The following TSHZ2 variants were observed in gnomAD, a reference collection of about 807,000 sequenced individuals.
The protein encoded by TSHZ2 is teashirt homolog 2.
In TSHZ2, 21 loss-of-function variants were observed where a neutral mutation model predicts 74.4. The observed-to-expected ratio is 0.28, with a 90% CI of 0.20 to 0.41. The LOEUF is 0.41. TSHZ2 is among the 10% of genes least tolerant of loss of function. The probability of loss-of-function intolerance (pLI) is 1.00; values close to 1 mark genes in which losing one functional copy is unlikely to be tolerated. For synonymous variants in TSHZ2, 540 were observed against 515.3 expected (o/e 1.05, Z -0.65); for missense variants, 1,244 against 1,293.5 (o/e 0.96, Z 0.59).
At position 53,256,026 on chromosome 20, in the gene TSHZ2, A is replaced by G. The variant is rs780726706; in HGVS notation, c.2568A>G (p.Leu856=). The change falls in exon 2 of 3, where the codon CTA becomes CTG. Residue 856 remains leucine, a synonymous_variant. Transcript: ENST00000371497. This position sits in a 1 kb window ranked among gnomAD's most constrained non-coding sequence, Gnocchi z 4.3. Reference sequence around the variant, plus strand: ...GGAATCCTCAGCATCTTCTGATTCTACAAGCCCAGTTTGCCTCGAGCCTCT... The same window carrying G: ...GGAATCCTCAGCATCTTCTGATTCTGCAAGCCCAGTTTGCCTCGAGCCTCT... ...SNWNPQHLLI[L]QAQFASSLFQ... 1 of 1,613,346 alleles carries G rather than the reference A, an allele frequency of 6.2e-7. No individual in the cohort carries two copies. The highest frequency in any genetic ancestry group is 8.5e-7 in the Non-Finnish European group (1 of 1,179,426).
chr20:53,154,674 A>T (rs937888104), intron 1 of TSHZ2, among the ~76,000 whole-genome samples: 4 of 152,182 alleles, frequency 2.6e-5, no homozygotes, highest in African/African-American at 9.7e-5. Context: ...TAACTATGAG[A>T]GCTGGGCTTG....
intron 2 of TSHZ2, among the ~76,000 whole-genome samples, chr20:53,294,563 A>G (rs750909517): frequency 3.9e-5 from 6 of 152,092 alleles, no homozygotes; most frequent in Admixed American, 3.3e-4. Context: ...AAAATTATAC[A>G]ACTGAGTCAT....
chr20:53,186,655 C>G (rs1431182423), intron 1 of TSHZ2, among the ~76,000 whole-genome samples: 3 of 152,154 alleles, frequency 2.0e-5, no homozygotes, highest in Non-Finnish European at 4.4e-5. Context: ...TTTTCACCTG[C>G]CTGCAGGCAT....
chr20:53,418,093 G>C (rs1367329475), intron 2 of TSHZ2, among the ~76,000 whole-genome samples: 2 of 152,216 alleles, frequency 1.3e-5, no homozygotes, highest in African/African-American at 4.8e-5. Flanking sequence ...AGCTAGGATG[G>C]TAAGGAAAGG....
At chr20:53,446,289 C>T (rs764870685) in intron 2 of TSHZ2, among the ~76,000 whole-genome samples, 32 of 151,796 alleles carry the variant, frequency 2.1e-4, no homozygotes, top group Non-Finnish European at 4.0e-4. Context: ...TTTGGCCAGG[C>T]GCGGTGACTT....
chr20:53,473,877 C>T (rs930440806), intron 2 of TSHZ2, among the ~76,000 whole-genome samples: 69 of 151,996 alleles, frequency 4.5e-4, no homozygotes, highest in African/African-American at 1.5e-3. Context: ...CCTCAGGAAG[C>T]GATGCAATCA....
At chr20:53,298,535 C>T (rs1178536236) in intron 2 of TSHZ2, among the ~76,000 whole-genome samples, 1 of 152,142 alleles carries the variant, frequency 6.6e-6, no homozygotes, top group Non-Finnish European at 1.5e-5. Context: ...GGATGTTTCA[C>T]ATACGAGAAG....
At chr20:53,220,629 A>G (rs1989532536) in intron 1 of TSHZ2, among the ~76,000 whole-genome samples, 1 of 152,224 alleles carries the variant, frequency 6.6e-6, no homozygotes, top group African/African-American at 2.4e-5. Context: ...CAGATGCCGT[A>G]TGTACCACAA....
At chr20:53,154,395 AAATAAAAATAACAAAT>A (rs1987745430) in intron 1 of TSHZ2, among the ~76,000 whole-genome samples, 2 of 152,198 alleles carry the variant, frequency 1.3e-5, no homozygotes, top group Admixed American at 1.3e-4. Flanking sequence ...TTCAGCAGTA[AAATAAAAATAACAAAT>A]AATAAAATTA....
intron 1 of TSHZ2, among the ~76,000 whole-genome samples, chr20:52,995,873 C>T (rs1257251418): frequency 6.6e-6 from 1 of 151,976 alleles, no homozygotes; most frequent in African/African-American, 2.4e-5. Flanking sequence ...CCACCCACCT[C>T]GGCCTCCCAA....
chr20:52,990,318 T>C (rs1449308952), intron 1 of TSHZ2, among the ~76,000 whole-genome samples: 1 of 152,202 alleles, frequency 6.6e-6, no homozygotes, highest in Non-Finnish European at 1.5e-5. Context: ...CAAAGATGTC[T>C]ACCCCTCTAA....
chr20:53,275,436 G>A (rs1226677424), intron 2 of TSHZ2, among the ~76,000 whole-genome samples: 2 of 151,976 alleles, frequency 1.3e-5, no homozygotes, highest in African/African-American at 4.8e-5. Flanking sequence ...AGCAAGCAAA[G>A]TGGCATCTAT....
At chr20:53,346,563 G>A (rs181302854) in intron 2 of TSHZ2, among the ~76,000 whole-genome samples, 1 of 152,284 alleles carries the variant, frequency 6.6e-6, no homozygotes, top group East Asian at 1.9e-4. Context: ...AACTTCTCTA[G>A]GGCTATTCGA....
intron 1 of TSHZ2, among the ~76,000 whole-genome samples, chr20:53,198,646 A>G (rs996014762): frequency 6.6e-6 from 1 of 152,214 alleles, no homozygotes; most frequent in Non-Finnish European, 1.5e-5. Flanking sequence ...ACTGCAAAGC[A>G]TATTGGAAAT....
chr20:53,279,878 A>G (rs1172802834), intron 2 of TSHZ2, among the ~76,000 whole-genome samples: 1 of 152,192 alleles, frequency 6.6e-6, no homozygotes, highest in Non-Finnish European at 1.5e-5. Context: ...GGGAGCCACA[A>G]ATGAGAAGAA....
At chr20:53,027,363 A>G (rs1000407094) in intron 1 of TSHZ2, among the ~76,000 whole-genome samples, 8 of 152,204 alleles carry the variant, frequency 5.3e-5, no homozygotes, top group Non-Finnish European at 1.2e-4. Context: ...CCAATAATAC[A>G]GTTCTACTAT....
At chr20:53,223,926 CACA>C (rs1989623896) in intron 1 of TSHZ2, among the ~76,000 whole-genome samples, 1 of 149,654 alleles carries the variant, frequency 6.7e-6, no homozygotes, top group Admixed American at 6.7e-5. Context: ...CACACACACA[CACA>C]CACCCCTAAG....
chr20:53,087,457 T>G (rs1985733006), intron 1 of TSHZ2, among the ~76,000 whole-genome samples: 1 of 152,330 alleles, frequency 6.6e-6, no homozygotes, highest in Admixed American at 6.5e-5. Flanking sequence ...AGTCGGCTCA[T>G]GAGAACTCAG....
chr20:53,386,015 C>CA (rs1019674601), intron 2 of TSHZ2, among the ~76,000 whole-genome samples: 8 of 152,150 alleles, frequency 5.3e-5, no homozygotes, highest in African/African-American at 1.9e-4. Context: ...GACAGCATTC[C>CA]AATTGGCTAT....
Sources: gnomAD v4.1 joint callset for allele counts (sites outside exome capture counted in the v4.1 genomes callset) on GRCh38, gnomAD v4.1.1 for gene constraint, Gnocchi (gnomAD v3.1) non-coding constraint, MANE v1.5 for transcripts, NCBI Gene and HGNC (gene_info 2026-07-23, HGNC 2026-07-21) for gene names.